RARS2: variants seen among roughly 807,000 people sequenced by gnomAD.
RARS2 encodes the protein arginyl-tRNA synthetase 2, mitochondrial.
RARS2 carries 67 observed loss-of-function variants against 88.5 expected under a neutral mutation model. The ratio of observed to expected loss-of-function variants is 0.76; its 90% CI spans 0.62 to 0.93. RARS2 has a LOEUF of 0.93. Among genes scored for constraint, RARS2 ranks in the 40% least tolerant of loss-of-function variants. The pLI, the probability that RARS2 is intolerant of heterozygous loss-of-function variation, is 0.00. For synonymous variants in RARS2, 239 were observed against 230.3 expected, an observed-to-expected ratio of 1.04 and a Z score of -0.34; for missense variants, 664 against 684.2, an observed-to-expected ratio of 0.97 and a Z score of 0.33.
chr6:87,581,086 C>T (rs755910584), intron 1 of RARS2, among the ~76,000 whole-genome samples: 1 of 152,062 alleles, frequency 6.6e-6, no homozygotes, highest in Admixed American at 6.6e-5. Flanking sequence ...TGATTCTTAC[C>T]GCTAGTACTC....
At chr6:87,585,019 A>T (rs933025412) in intron 1 of RARS2, among the ~76,000 whole-genome samples, 1 of 152,222 alleles carries the variant, frequency 6.6e-6, no homozygotes, top group Non-Finnish European at 1.5e-5. Flanking sequence ...TAAGTACTAT[A>T]AACAGTAGAT....
rs541302473 is a variant in RARS2, at chr6:87,514,897, A to T, written c.1650+60T>A. On this transcript the variant is annotated intron_variant, in intron 19 of 19. Coordinates refer to ENST00000369536, the MANE Select transcript of RARS2 (RefSeq NM_020320.5). The stretch of plus-strand genomic sequence containing the variant: ...TATTTTAGAAAAATTTACAAGACTG[A>T]CTTAGTAATATTAGTCTCAGGAGCT... 4.4e-6 allele frequency: 6 copies of T among 1,374,920 alleles called. No individual in the cohort carries two copies. The South Asian group carries it at 5.8e-5, about 13-fold the overall frequency. 85.2% of individuals were successfully genotyped at this position (1,374,920 alleles called of 1,614,324 possible).
intron 1 of RARS2, among the ~76,000 whole-genome samples, chr6:87,581,047 C>T (rs370427902): frequency 2.7e-4 from 41 of 152,168 alleles, no homozygotes; most frequent in East Asian, 1.7e-3. Context: ...AGTCCTCAAC[C>T]ATTTATTTTT....
intron 4 of RARS2, among the ~76,000 whole-genome samples, chr6:87,562,331 C>T (rs1788093133): frequency 6.6e-6 from 1 of 152,106 alleles, no homozygotes; most frequent in African/African-American, 2.4e-5. Flanking sequence ...ATATTGTATG[C>T]AACTGTATCA....
At chr6:87,552,788 G>A (rs1784769998) in intron 5 of RARS2, among the ~76,000 whole-genome samples, 1 of 152,040 alleles carries the variant, frequency 6.6e-6, no homozygotes, top group Non-Finnish European at 1.5e-5. Flanking sequence ...GTAAGTAATG[G>A]TGGCAACTTT....
chr6:87,561,603 A>G (rs571834572), intron 4 of RARS2, among the ~76,000 whole-genome samples: 1 of 152,330 alleles, frequency 6.6e-6, no homozygotes, highest in South Asian at 2.1e-4. Flanking sequence ...TTAAATTTTC[A>G]GTAAAGAAGA....
chr6:87,561,439 CTTGT>C (rs1254616607), intron 4 of RARS2, among the ~76,000 whole-genome samples: 1 of 152,162 alleles, frequency 6.6e-6, no homozygotes, highest in African/African-American at 2.4e-5. Context: ...TAAAAATCCA[CTTGT>C]AACTGCTGCC....
chr6:87,529,628 A>G lies in RARS2; in HGVS notation c.792T>C (p.Asp264=). 1 of 1,604,452 alleles carries G rather than the reference A, an allele frequency of 6.2e-7. No individual in the cohort carries two copies. The highest frequency in any genetic ancestry group is 8.5e-7 in the Non-Finnish European group (1 of 1,171,212). The part of the protein sequence containing the change: ...RVYKRLGVYF[D]EYSGESFYRE... ...GATAAAATGATTCTCCTGAATATTC[A>G]TCAAAATATACTCCCAGACGCTAAA... is the stretch of plus-strand genomic sequence containing the variant. The change falls in exon 10 of 20, where the codon GAT becomes GAC. Residue 264 remains aspartate (D), a synonymous_variant. Transcript: ENST00000369536.
At chr6:87,549,875 T>C (rs1472627546) in intron 5 of RARS2, among the ~76,000 whole-genome samples, 1 of 152,206 alleles carries the variant, frequency 6.6e-6, no homozygotes, top group Non-Finnish European at 1.5e-5. Context: ...ATATGTGTAA[T>C]GAACATATGG....
At chr6:87,536,881 T>C (rs1290022404) in intron 8 of RARS2, among the ~76,000 whole-genome samples, 1 of 152,150 alleles carries the variant, frequency 6.6e-6, no homozygotes, top group Non-Finnish European at 1.5e-5. Context: ...AAGTTTCAAA[T>C]GCTTGCCAAC....
chr6:87,577,835 A>T (rs1383877391), intron 1 of RARS2, among the ~76,000 whole-genome samples: 1 of 152,140 alleles, frequency 6.6e-6, no homozygotes, highest in African/African-American at 2.4e-5. Flanking sequence ...AAACATGAAG[A>T]TCTTTTTGTA....
intron 8 of RARS2, among the ~76,000 whole-genome samples, chr6:87,538,781 C>A (rs1160043603): frequency 6.6e-6 from 1 of 152,082 alleles, no homozygotes; most frequent in African/African-American, 2.4e-5. Context: ...CACCTATAAT[C>A]CCAGCACTTT....
chr6:87,553,101 A>C (rs921652163), intron 5 of RARS2, among the ~76,000 whole-genome samples: 1 of 152,186 alleles, frequency 6.6e-6, no homozygotes, highest in Non-Finnish European at 1.5e-5. Context: ...TCATCAGCAG[A>C]AAGTGACAAA....
At position 87,556,581 on chromosome 6, in the gene RARS2, T is replaced by C. The variant is rs1785971269; in HGVS notation, c.298-1076A>G. On this transcript the variant is annotated intron_variant, in intron 4 of 19. Transcript: ENST00000369536. Reference sequence around the variant, plus strand: ...GCAGGTGGATCACGAGGTCAGGAGATTGAGACCATCCTGGCCAACATGGTG... The same window carrying C: ...GCAGGTGGATCACGAGGTCAGGAGACTGAGACCATCCTGGCCAACATGGTG... 3.3e-5 allele frequency among the ~76,000 whole-genome samples: 5 copies of C among 151,760 alleles called. No individual in the cohort carries two copies. The South Asian group carries it at 6.3e-4, about 19-fold the overall frequency.
intron 8 of RARS2, among the ~76,000 whole-genome samples, chr6:87,540,283 A>G (rs1439452345): frequency 6.6e-6 from 1 of 151,410 alleles, no homozygotes; most frequent in Non-Finnish European, 1.5e-5. Context: ...CCCTGTCTCT[A>G]CTAAAAAATA....
intron 1 of RARS2, among the ~76,000 whole-genome samples, chr6:87,572,980 TAAGAC>T (rs1182268704): frequency 2.0e-5 from 3 of 152,190 alleles, no homozygotes; most frequent in African/African-American, 7.2e-5. Context: ...AAAGTAATTC[TAAGAC>T]TAGTTTATCT....
chr6:87,553,449 T>A (rs562804832), intron 5 of RARS2, among the ~76,000 whole-genome samples: 2 of 151,804 alleles, frequency 1.3e-5, no homozygotes, highest in African/African-American at 4.8e-5. Context: ...AGCCAGAGAG[T>A]AAATATTTTA....
chr6:87,532,803 T>C (rs1777932372), intron 8 of RARS2, among the ~76,000 whole-genome samples: 1 of 152,204 alleles, frequency 6.6e-6, no homozygotes, highest in Admixed American at 6.5e-5. Context: ...GATGTTTATG[T>C]AGTCCTATTA....
rs548100506 is a variant in RARS2, at chr6:87,565,542, C to CA, written c.111-1311dup. The stretch of plus-strand genomic sequence containing the variant: ...CTTCAACATTATCTGTAATGCTTAA[C>CA]AAAAATCAAAAGCTCTCCCTTTCCC... On this transcript the variant is annotated intron_variant, in intron 2 of 19. Transcript: ENST00000369536. Among the ~76,000 whole-genome samples the CA allele has an allele frequency of 4.0e-3, 616 of 152,216 alleles. 1 individual carries two copies. The highest frequency in any genetic ancestry group is 0.017 in the Middle Eastern group (5 of 294).
Sources: allele counts gnomAD v4.1 joint callset (sites outside exome capture counted in the v4.1 genomes callset), GRCh38; gene constraint gnomAD v4.1.1; transcripts MANE v1.5; gene names NCBI Gene and HGNC (gene_info 2026-07-23, HGNC 2026-07-21).